CCDC178: variants seen among roughly 807,000 people sequenced by gnomAD.
CCDC178 encodes the protein coiled-coil domain containing 178, also known as coiled-coil domain-containing protein 178.
In CCDC178, 126 loss-of-function variants were observed where a neutral mutation model predicts 117.4. That is an observed-to-expected ratio of 1.07 (90% CI 0.93 to 1.24). The LOEUF (loss-of-function observed/expected upper bound fraction) is 1.24, where lower values mean the gene tolerates loss of function less well. Ranked by LOEUF, CCDC178 falls within the 50% of genes most tolerant of loss-of-function variation. CCDC178 has a pLI of 0.00. For missense variants in CCDC178, 1,030 were observed against 986.9 expected, an observed-to-expected ratio of 1.04 and a Z score of -0.59; for synonymous variants, 283 against 313.4, an observed-to-expected ratio of 0.90 and a Z score of 1.02.
At chr18:33,022,054 C>A (rs1417154996) in intron 21 of CCDC178, among the ~76,000 whole-genome samples, 1 of 152,170 alleles carries the variant, frequency 6.6e-6, no homozygotes, top group Non-Finnish European at 1.5e-5. Context: ...TACAAAAACA[C>A]ATAAATATTA....
chr18:33,306,721 T>C (rs891686289), intron 11 of CCDC178, among the ~76,000 whole-genome samples: 1 of 151,772 alleles, frequency 6.6e-6, no homozygotes, highest in Non-Finnish European at 1.5e-5. Context: ...GTGGACTTAG[T>C]AATTGATAAG....
rs546867250 is a variant in CCDC178 at position 33,149,886 on chromosome 18, AC to A, written c.2239-56977del. On this transcript the variant is annotated intron_variant, in intron 20 of 22. Coordinates refer to ENST00000383096, the MANE Select transcript of CCDC178 (RefSeq NM_001105528.4). ...TCATTCTTCACAGAACTAGAAAAAA[AC>A]AATCCTAAAATTCATATGGAACCAA... Among the ~76,000 whole-genome samples, 16 of 152,324 alleles carry A rather than the reference AC, an allele frequency of 1.1e-4. No homozygotes were observed. The East Asian group carries it at 2.7e-3, about 26-fold the overall frequency.
intron 22 of CCDC178, among the ~76,000 whole-genome samples, chr18:32,962,141 C>A (rs1181378443): frequency 6.6e-6 from 1 of 151,822 alleles, no homozygotes; most frequent in African/African-American, 2.4e-5. Flanking sequence ...ATATCATAAT[C>A]ATTTTATATT....
At chr18:32,970,953 G>A (rs752343299) in intron 22 of CCDC178, among the ~76,000 whole-genome samples, 25 of 151,932 alleles carry the variant, frequency 1.6e-4, no homozygotes, top group Non-Finnish European at 3.2e-4. Flanking sequence ...ATTTTGTAGA[G>A]GAAGTGATTG....
chr18:32,995,531 T>C (rs1436959254), intron 21 of CCDC178, among the ~76,000 whole-genome samples: 1 of 152,054 alleles, frequency 6.6e-6, no homozygotes, highest in African/African-American at 2.4e-5. Flanking sequence ...GTATACAAAA[T>C]AAACAACTGT....
At chr18:33,033,520 A>G (rs1023978272) in intron 21 of CCDC178, among the ~76,000 whole-genome samples, 3 of 151,968 alleles carry the variant, frequency 2.0e-5, no homozygotes, top group African/African-American at 4.8e-5. Flanking sequence ...TCAGTCCATT[A>G]ATTATTCATT....
At position 33,398,837 on chromosome 18, in the gene CCDC178, AG is replaced by A. The variant is rs111870225; in HGVS notation, c.59-1630del. Among the ~76,000 whole-genome samples, 647 of 152,342 alleles carry A rather than the reference AG, an allele frequency of 4.2e-3. 5 individuals are homozygous for A. The highest frequency in any genetic ancestry group is 0.014 in the African/African-American group (602 of 41,582). On this transcript the variant is annotated intron_variant, in intron 3 of 22. Coordinates refer to ENST00000383096, the MANE Select transcript of CCDC178 (RefSeq NM_001105528.4). ...TTATATTTTATACTGTAGTCTATTA[AG>A]TGTGTGATAATATTATATCTAAAAC... is the stretch of plus-strand genomic sequence containing the variant.
intron 20 of CCDC178, among the ~76,000 whole-genome samples, chr18:33,149,007 A>AT (rs2058309448): frequency 6.6e-6 from 1 of 152,196 alleles, no homozygotes; most frequent in East Asian, 1.9e-4. Context: ...AATGATGTGT[A>AT]TAACTCCTAG....
chr18:33,213,387 T>G (rs2144594490), intron 19 of CCDC178, among the ~76,000 whole-genome samples: 1 of 152,084 alleles, frequency 6.6e-6, no homozygotes, highest in East Asian at 1.9e-4. Context: ...TTGCCCTGGT[T>G]TTTCCTCTAC....
chr18:33,184,193 C>T (rs749579428), intron 20 of CCDC178, among the ~76,000 whole-genome samples: 1 of 151,980 alleles, frequency 6.6e-6, no homozygotes, highest in Non-Finnish European at 1.5e-5. Context: ...TGCACAAGCA[C>T]AGATTATGTC....
chr18:33,091,321 A>ATTTTTTTTTT (rs1415932731), intron 21 of CCDC178, among the ~76,000 whole-genome samples: 3 of 18,356 alleles, frequency 1.6e-4, no homozygotes, highest in Non-Finnish European at 3.6e-4. Flanking sequence ...CACTTATTTC[A>ATTTTTTTTTT]TTCTTTTTTT....
chr18:33,017,228 T>G (rs969300986), intron 21 of CCDC178, among the ~76,000 whole-genome samples: 1 of 151,886 alleles, frequency 6.6e-6, no homozygotes, highest in South Asian at 2.1e-4. Context: ...TAAAAAAATA[T>G]TAGAACCAAT....
At chr18:33,193,372 A>G (rs903891221) in intron 20 of CCDC178, among the ~76,000 whole-genome samples, 12 of 152,064 alleles carry the variant, frequency 7.9e-5, no homozygotes, top group African/African-American at 2.7e-4. Context: ...GAAAAAAACT[A>G]AAATTATCCA....
chr18:33,071,716 C>T (rs181647601), intron 21 of CCDC178, among the ~76,000 whole-genome samples: 3 of 152,172 alleles, frequency 2.0e-5, no homozygotes, highest in Non-Finnish European at 2.9e-5. Flanking sequence ...GGATGCACAA[C>T]GTGCTTGAAT....
chr18:33,137,662 G>A (rs758766173), intron 20 of CCDC178, among the ~76,000 whole-genome samples: 2 of 152,072 alleles, frequency 1.3e-5, no homozygotes, highest in Non-Finnish European at 2.9e-5. Flanking sequence ...TCTTCTCAAT[G>A]GATATGTGGT....
intron 12 of CCDC178, among the ~76,000 whole-genome samples, chr18:33,292,136 T>A (rs2144871638): frequency 6.6e-6 from 1 of 152,258 alleles, no homozygotes; most frequent in South Asian, 2.1e-4. Context: ...CACCTTCATG[T>A]TTACTGTGGC....
At chr18:33,203,133 A>G (rs974642238) in intron 20 of CCDC178, among the ~76,000 whole-genome samples, 4 of 152,172 alleles carry the variant, frequency 2.6e-5, no homozygotes, top group Admixed American at 2.0e-4. Flanking sequence ...TTGTTGTATT[A>G]ATTCAAGTCC....
At chr18:32,960,504 A>G (rs1397558525) in intron 22 of CCDC178, among the ~76,000 whole-genome samples, 1 of 152,032 alleles carries the variant, frequency 6.6e-6, no homozygotes, top group Non-Finnish European at 1.5e-5. Flanking sequence ...GTCAAGAAAA[A>G]CTTCATTTAT....
At chr18:33,173,794 G>A (rs929621033) in intron 20 of CCDC178, among the ~76,000 whole-genome samples, 4 of 152,116 alleles carry the variant, frequency 2.6e-5, no homozygotes, top group African/African-American at 4.8e-5. Context: ...TCCTGGGTTC[G>A]TCTGGAACTT....
Sources: allele counts gnomAD v4.1 joint callset (sites outside exome capture counted in the v4.1 genomes callset), GRCh38; gene constraint gnomAD v4.1.1; transcripts MANE v1.5; gene names NCBI Gene and HGNC (gene_info 2026-07-23, HGNC 2026-07-21).